The following LEKR1 variants were observed in gnomAD, a reference collection of about 807,000 sequenced individuals.
LEKR1 encodes leucine, glutamate and lysine rich 1, also known as protein LEKR1.
LEKR1 carries 59 observed loss-of-function variants against 72.4 expected under a neutral mutation model. The ratio of observed to expected loss-of-function variants is 0.82; its 90% CI spans 0.66 to 1.01. The LOEUF (loss-of-function observed/expected upper bound fraction) is 1.01. Among genes scored for constraint, LEKR1 ranks in the 50% least tolerant of loss-of-function variants. The pLI is 0.00. For missense variants in LEKR1, 728 were observed against 759.2 expected (o/e 0.96, Z 0.48); for synonymous variants, 257 against 263.2 (o/e 0.98, Z 0.23).
At chr3:156,987,022 CTATTGTATTGTATTG>C (rs67063525) in intron 7 of LEKR1, among the ~76,000 whole-genome samples, 2,037 of 124,398 alleles carry the variant, frequency 0.016, 25 homozygotes, top group African/African-American at 0.035. Flanking sequence ...AAATAGCTAG[CTATTGTATTGTATTG>C]TATTGTATTG....
At chr3:156,991,213 A>C (rs1352794321) in intron 7 of LEKR1, among the ~76,000 whole-genome samples, 6 of 152,088 alleles carry the variant, frequency 3.9e-5, no homozygotes, top group Admixed American at 2.6e-4. Context: ...GTTGGCTATG[A>C]TTGGAACCAG....
intron 6 of LEKR1, among the ~76,000 whole-genome samples, chr3:156,963,624 T>C (rs1312776979): frequency 6.6e-6 from 1 of 151,850 alleles, no homozygotes. Context: ...TGAGTTCAGG[T>C]AGATTTCCTA....
At chr3:157,017,071 A>G (rs956784088) in intron 10 of LEKR1, among the ~76,000 whole-genome samples, 3 of 152,216 alleles carry the variant, frequency 2.0e-5, no homozygotes, top group Non-Finnish European at 2.9e-5. Context: ...TCTAAACCAG[A>G]GATCAGCAAA....
chr3:156,870,450 A>G, intron 3 of LEKR1, among the ~76,000 whole-genome samples: 1 of 152,004 alleles, frequency 6.6e-6, no homozygotes, highest in East Asian at 1.9e-4. Flanking sequence ...TTTTGGAGCT[A>G]TTGTAAACAG....
At chr3:157,002,138 C>A (rs765756772) in intron 9 of LEKR1, among the ~76,000 whole-genome samples, 2 of 152,072 alleles carry the variant, frequency 1.3e-5, no homozygotes, top group Non-Finnish European at 2.9e-5. Flanking sequence ...AAATCTGTGT[C>A]GTTTCCTATA....
chr3:156,983,389 G>T (rs537688402), intron 7 of LEKR1, among the ~76,000 whole-genome samples: 1 of 152,238 alleles, frequency 6.6e-6, no homozygotes, highest in East Asian at 1.9e-4. Flanking sequence ...AGAATCATGG[G>T]TAGCTTGCTA....
intron 3 of LEKR1, among the ~76,000 whole-genome samples, chr3:156,899,701 C>T (rs375709286): frequency 0.16 from 8,682 of 53,916 alleles, 714 homozygotes; most frequent in African/African-American, 0.25. Flanking sequence ...CATATATACA[C>T]GCATATATAC....
At chr3:156,974,809 T>G (rs1729547601) in intron 6 of LEKR1, among the ~76,000 whole-genome samples, 2 of 152,056 alleles carry the variant, frequency 1.3e-5, no homozygotes, top group Non-Finnish European at 2.9e-5. Flanking sequence ...GTTTTAAAAT[T>G]TTGCCATAGT....
At chr3:156,916,416 A>G (rs1428434082) in intron 3 of LEKR1, among the ~76,000 whole-genome samples, 1 of 151,936 alleles carries the variant, frequency 6.6e-6, no homozygotes, top group Non-Finnish European at 1.5e-5. Flanking sequence ...CCATTTGTTC[A>G]TGTCAGCTCT....
chr3:156,915,269 C>A lies in LEKR1; in HGVS notation c.264-5306C>A, dbSNP rs1723519124. Among the ~76,000 whole-genome samples the A allele has an allele frequency of 2.0e-5, 3 of 152,068 alleles. No homozygotes were observed. The South Asian group carries it at 6.2e-4, about 32-fold the overall frequency. On this transcript the variant is annotated intron_variant, in intron 3 of 12. Coordinates refer to ENST00000356539, the MANE Select transcript of LEKR1 (RefSeq NM_001004316.3). ...ATTTATATTCCTTTGCGTTTATACT[C>A]AGTAATGGAATTGCTGGGTTGAATG... is the stretch of plus-strand genomic sequence containing the variant.
chr3:156,993,630 A>G (rs1175723531), intron 9 of LEKR1, among the ~76,000 whole-genome samples: 1 of 151,640 alleles, frequency 6.6e-6, no homozygotes, highest in Non-Finnish European at 1.5e-5. Flanking sequence ...CATTTTTCCA[A>G]CAGAAAAGAT....
Position 157,011,514 on chromosome 3 carries a change from T to C in LEKR1, c.1203+8T>C. ...GATAACTGGAAGGAGAAGGTAATGG[T>C]AGTGTGGCTTTCATCAGCATGCAAC... On this transcript the variant is annotated splice_region_variant and intron_variant, in intron 10 of 12. Coordinates refer to ENST00000356539, the MANE Select transcript of LEKR1 (RefSeq NM_001004316.3). The C allele has an allele frequency of 6.3e-7, 1 of 1,592,382 alleles. No individual in the cohort carries two copies. Among genetic ancestry groups the C allele is most frequent in the African/African-American group, 1.3e-5 (1 of 74,586 alleles).
intron 5 of LEKR1, among the ~76,000 whole-genome samples, chr3:156,933,707 A>G (rs1725452275): frequency 6.6e-6 from 1 of 152,136 alleles, no homozygotes; most frequent in Non-Finnish European, 1.5e-5. Flanking sequence ...TCTGTAATCC[A>G]TGTTTTCTTT....
chr3:156,862,878 CTTTTA>C (rs1716922015), intron 3 of LEKR1, among the ~76,000 whole-genome samples: 1 of 152,036 alleles, frequency 6.6e-6, no homozygotes, highest in South Asian at 2.1e-4. Context: ...TTAATTATTA[CTTTTA>C]TTTATTATAT....
At chr3:156,901,204 GACA>G (rs1215832433) in intron 3 of LEKR1, among the ~76,000 whole-genome samples, 2 of 152,026 alleles carry the variant, frequency 1.3e-5, no homozygotes, top group African/African-American at 2.4e-5. Flanking sequence ...CATTACTGCA[GACA>G]ACGTCATTCC....
In LEKR1 at chr3:156,852,890, T is replaced by C. The variant is rs770936108; in HGVS notation, c.171T>C (p.Ser57=). 3.6e-5 allele frequency: 56 copies of C among 1,534,940 alleles called. No homozygotes were observed. The highest frequency in any genetic ancestry group is 4.8e-5 in the Non-Finnish European group (55 of 1,145,314). The change falls in exon 3 of 13, where the codon AGT becomes AGC. Residue 57 remains serine, a synonymous_variant. Coordinates refer to ENST00000356539, the MANE Select transcript of LEKR1 (RefSeq NM_001004316.3). ...AAGAGATGAAATTTTATCAAGGAAG[T>C]GTAGATCGTGAAAAGAGACTTCAAG... ...MEKEMKFYQG[S]VDREKRLQEK...
At chr3:156,924,578 T>C (rs1724530499) in intron 4 of LEKR1, 3 of 640,452 alleles carry the variant, frequency 4.7e-6, no homozygotes, top group Admixed American at 4.9e-5. Context: ...AAGTGTTTTA[T>C]AGTTTTAGCT....
At chr3:157,036,883 A>T (rs549325418) in intron 12 of LEKR1, among the ~76,000 whole-genome samples, 8 of 152,316 alleles carry the variant, frequency 5.3e-5, no homozygotes, top group Non-Finnish European at 1.0e-4. Flanking sequence ...AGTTTGGTGA[A>T]AAATTAATAT....
At chr3:156,894,310 A>G (rs929333903) in intron 3 of LEKR1, among the ~76,000 whole-genome samples, 1 of 152,246 alleles carries the variant, frequency 6.6e-6, no homozygotes, top group East Asian at 1.9e-4. Context: ...ATCACATACA[A>G]TAATTATAAA....
Sources: gnomAD v4.1 joint callset for allele counts (sites outside exome capture counted in the v4.1 genomes callset) on GRCh38, gnomAD v4.1.1 for gene constraint, MANE v1.5 for transcripts, NCBI Gene and HGNC (gene_info 2026-07-23, HGNC 2026-07-21) for gene names.